Variants in ERAP1 observed in about 807,000 individuals in gnomAD.
ERAP1 encodes the protein endoplasmic reticulum aminopeptidase 1, also known as adipocyte-derived leucine aminopeptidase.
Under a neutral mutation model 103.7 loss-of-function variants are expected in ERAP1, and 86 were observed. The ratio of observed to expected loss-of-function variants is 0.83; its 90% CI spans 0.70 to 0.99. The LOEUF (loss-of-function observed/expected upper bound fraction) is 0.99, where lower values mean the gene tolerates loss of function less well. Ranked by LOEUF, ERAP1 falls within the 50% of genes least tolerant of loss-of-function variation. The probability of loss-of-function intolerance (pLI) is 0.00; values close to 1 mark genes in which losing one functional copy is unlikely to be tolerated. For missense variants in ERAP1, 1,009 were observed against 1,128.4 expected (o/e 0.89, Z 1.52); for synonymous variants, 398 against 402.4 (o/e 0.99, Z 0.13).
At chr5:96,821,443 C>T in the ERAP1 span, among the ~76,000 whole-genome samples, 1 of 152,140 alleles carries the variant, frequency 6.6e-6, no homozygotes, top group Non-Finnish European at 1.5e-5. Context: ...TTTGGGTTCC[C>T]TTTTTGGTTT....
intron 10 of ERAP1, among the ~76,000 whole-genome samples, chr5:96,789,899 T>C (rs1776531945): frequency 1.3e-5 from 2 of 152,258 alleles, no homozygotes; most frequent in Non-Finnish European, 2.9e-5. Context: ...GTGCTTAACA[T>C]GTGCCTGACA....
chr5:96,774,630 GT>G lies in ERAP1; in HGVS notation c.*1765del, dbSNP rs1390910668. ...CAAAACTGAAAATCAATATTTCCAT[GT>G]TTCATTAATCAAGGCATAAAATACA... On this transcript the variant is annotated 3_prime_UTR_variant, in exon 19 of 19. Coordinates refer to ENST00000443439, the MANE Select transcript of ERAP1 (RefSeq NM_001040458.3). 9 of 985,082 alleles carry G rather than the reference GT, an allele frequency of 9.1e-6. No homozygotes were observed. The highest frequency in any genetic ancestry group is 1.2e-4 in the Admixed American group (2 of 16,260). The allele number at this position is 985,082 out of a possible 1,614,324, so 61.0% of individuals were successfully genotyped here. A position where few individuals can be genotyped will look rare whatever the true frequency, so the allele number is the denominator to read the frequency against.
the ERAP1 span, among the ~76,000 whole-genome samples, chr5:96,824,788 A>G: frequency 2.6e-5 from 4 of 152,134 alleles, no homozygotes; most frequent in Non-Finnish European, 5.9e-5. Context: ...GTGGCCCACA[A>G]CTGTAATCCC....
the ERAP1 span, chr5:96,912,588 GTTT>G: frequency 6.6e-6 from 10 of 1,514,192 alleles, no homozygotes; most frequent in African/African-American, 1.4e-5. Context: ...TAAGAAAAAA[GTTT>G]TTCTTTCATA....
At chr5:96,886,136 CAG>C in the ERAP1 span, among the ~76,000 whole-genome samples, 3 of 152,202 alleles carry the variant, frequency 2.0e-5, no homozygotes, top group African/African-American at 7.2e-5. Flanking sequence ...GTGAACATTT[CAG>C]AGTCTCTGTT....
the ERAP1 span, among the ~76,000 whole-genome samples, chr5:96,869,130 G>A: frequency 6.6e-6 from 1 of 151,148 alleles, no homozygotes; most frequent in Non-Finnish European, 1.5e-5. Context: ...TTGGCTACTA[G>A]ATGACACTGA....
the ERAP1 span, among the ~76,000 whole-genome samples, chr5:96,822,152 C>G: frequency 1.3e-5 from 2 of 152,190 alleles, no homozygotes; most frequent in African/African-American, 2.4e-5. Context: ...TATCTTGAGC[C>G]TTTCCCTTCC....
intron 19 of ERAP1, among the ~76,000 whole-genome samples, chr5:96,766,516 G>A (rs953389089): frequency 6.6e-6 from 1 of 152,178 alleles, no homozygotes; most frequent in Non-Finnish European, 1.5e-5. Context: ...CTGGTGTTGG[G>A]ATAATTAATA....
the ERAP1 span, chr5:96,889,193 C>G: frequency 1.7e-5 from 28 of 1,614,030 alleles, no homozygotes; most frequent in Admixed American, 4.7e-4. Flanking sequence ...AGGTGTCCAT[C>G]TATGCATCCC....
chr5:96,897,393 C>A, the ERAP1 span, among the ~76,000 whole-genome samples: 9 of 152,202 alleles, frequency 5.9e-5, no homozygotes, highest in African/African-American at 2.2e-4. Context: ...TTCACCTCCT[C>A]CTTACAGACT....
chr5:96,831,629 T>C, the ERAP1 span, among the ~76,000 whole-genome samples: 114 of 152,342 alleles, frequency 7.5e-4, 2 homozygotes, highest in East Asian at 8.7e-3. Flanking sequence ...AAGGGTCTTA[T>C]CCATAGCATC....
chr5:96,896,713 CTT>C, the ERAP1 span: 32 of 1,550,430 alleles, frequency 2.1e-5, no homozygotes, highest in African/African-American at 7.0e-5. Flanking sequence ...TTTTTCAACT[CTT>C]TTGTTTTTTT....
the ERAP1 span, among the ~76,000 whole-genome samples, chr5:96,882,499 CTCTT>C: frequency 1.3e-5 from 2 of 152,228 alleles, no homozygotes; most frequent in African/African-American, 4.8e-5. Context: ...GAATCTCTCT[CTCTT>C]TCTTCCTCAC....
At chr5:96,882,225 T>G in the ERAP1 span, among the ~76,000 whole-genome samples, 4 of 152,208 alleles carry the variant, frequency 2.6e-5, no homozygotes, top group African/African-American at 4.8e-5. Flanking sequence ...ACATAAACAA[T>G]GATGGCTTTT....
chr5:96,820,179 T>C, the ERAP1 span, among the ~76,000 whole-genome samples: 1 of 152,156 alleles, frequency 6.6e-6, no homozygotes, highest in African/African-American at 2.4e-5. Context: ...CTAAAAATCA[T>C]TTTACTGCAT....
chr5:96,785,185 A>G (rs1327475386), intron 13 of ERAP1: 1 of 151,222 alleles, frequency 6.6e-6, no homozygotes, highest in African/African-American at 2.5e-5. Flanking sequence ...CTTAAAAACC[A>G]TTGTCATGGG....
chr5:96,885,197 A>G, the ERAP1 span, among the ~76,000 whole-genome samples: 2 of 152,060 alleles, frequency 1.3e-5, no homozygotes, highest in African/African-American at 4.8e-5. Flanking sequence ...TCACAGCCTC[A>G]CGCCTCTGCC....
chr5:96,885,571 T>G, the ERAP1 span, among the ~76,000 whole-genome samples: 1 of 152,186 alleles, frequency 6.6e-6, no homozygotes, highest in Non-Finnish European at 1.5e-5. Flanking sequence ...ACTAGATAAT[T>G]TATGGTAATG....
At chr5:96,872,002 A>G in the ERAP1 span, among the ~76,000 whole-genome samples, 1 of 152,182 alleles carries the variant, frequency 6.6e-6, no homozygotes, top group Non-Finnish European at 1.5e-5. Context: ...TTATACTAAC[A>G]TAAACTTTCA....
Sources: allele counts gnomAD v4.1 joint callset (sites outside exome capture counted in the v4.1 genomes callset), GRCh38; gene constraint gnomAD v4.1.1; transcripts MANE v1.5; gene names NCBI Gene and HGNC (gene_info 2026-07-23, HGNC 2026-07-21).